Variants in CADM1 observed in about 807,000 individuals in gnomAD.
CADM1 encodes cell adhesion molecule 1.
A neutral mutation model predicts 53.1 loss-of-function variants in CADM1; 15 were observed. The observed-to-expected ratio is 0.28, with a 90% CI of 0.19 to 0.44. The LOEUF (loss-of-function observed/expected upper bound fraction) is 0.44, where lower values mean the gene tolerates loss of function less well. CADM1 is among the 20% of genes least tolerant of loss of function. The pLI, the probability that CADM1 is intolerant of heterozygous loss-of-function variation, is 1.00. For synonymous variants in CADM1, 281 were observed against 243.0 expected, an observed-to-expected ratio of 1.16 and a Z score of -1.45; for missense variants, 434 against 611.3, an observed-to-expected ratio of 0.71 and a Z score of 3.06.
intron 1 of CADM1, among the ~76,000 whole-genome samples, chr11:115,367,167 T>C (rs1005920144): frequency 2.0e-5 from 3 of 152,234 alleles, no homozygotes; most frequent in Non-Finnish European, 4.4e-5. Context: ...TGAGCTATGA[T>C]TGCGCCTGTG....
intron 1 of CADM1, among the ~76,000 whole-genome samples, chr11:115,241,466 A>G (rs1330599512): frequency 6.6e-6 from 1 of 152,214 alleles, no homozygotes; most frequent in Non-Finnish European, 1.5e-5. Flanking sequence ...TCAATTGGGA[A>G]GGGGAGAGAG....
At chr11:115,225,533 C>A (rs1941573866) in intron 5 of CADM1, among the ~76,000 whole-genome samples, 1 of 152,118 alleles carries the variant, frequency 6.6e-6, no homozygotes, top group Non-Finnish European at 1.5e-5. Context: ...TAATTGGGCA[C>A]AACAATTTCT....
intron 1 of CADM1, among the ~76,000 whole-genome samples, chr11:115,385,182 C>CAA (rs34684645): frequency 2.3e-4 from 21 of 90,932 alleles, no homozygotes; most frequent in South Asian, 7.7e-4. Context: ...ATGTGCTTTC[C>CAA]AAAAAAAAAA....
chr11:115,350,874 T>C (rs1170402249), intron 1 of CADM1, among the ~76,000 whole-genome samples: 1 of 150,682 alleles, frequency 6.6e-6, no homozygotes, highest in Non-Finnish European at 1.5e-5. Context: ...ATCGCTATCA[T>C]GGATTAGCTT....
At chr11:115,318,222 T>C (rs1483710833) in intron 1 of CADM1, among the ~76,000 whole-genome samples, 1 of 152,172 alleles carries the variant, frequency 6.6e-6, no homozygotes, top group Non-Finnish European at 1.5e-5. Context: ...CATCCATTCC[T>C]TTTACTTAAA....
chr11:115,307,570 A>G (rs895431104), intron 1 of CADM1, among the ~76,000 whole-genome samples: 4 of 151,406 alleles, frequency 2.6e-5, no homozygotes, highest in Non-Finnish European at 4.4e-5. Flanking sequence ...GCTAATGCCA[A>G]GGTTGACAGT....
At chr11:115,467,665 G>A (rs1948924234) in intron 1 of CADM1, among the ~76,000 whole-genome samples, 2 of 152,130 alleles carry the variant, frequency 1.3e-5, no homozygotes, top group African/African-American at 2.4e-5. Flanking sequence ...GCCGTAACAG[G>A]GACCACTTAG....
chr11:115,479,963 A>G (rs1277214973), intron 1 of CADM1, among the ~76,000 whole-genome samples: 1 of 152,360 alleles, frequency 6.6e-6, no homozygotes, highest in East Asian at 1.9e-4. Context: ...TTGCTGTGGC[A>G]TCATCACCTA....
chr11:115,315,491 G>A (rs1420385039), intron 1 of CADM1, among the ~76,000 whole-genome samples: 1 of 152,048 alleles, frequency 6.6e-6, no homozygotes, highest in African/African-American at 2.4e-5. Flanking sequence ...TTTTACTTGG[G>A]AATCTCAACT....
chr11:115,472,823 TA>T (rs1362701375), intron 1 of CADM1, among the ~76,000 whole-genome samples: 1 of 152,182 alleles, frequency 6.6e-6, no homozygotes, highest in Non-Finnish European at 1.5e-5. Context: ...AAGAATATTA[TA>T]CCTTGTTAAA....
Position 115,414,103 on chromosome 11 carries a change from A to G in CADM1, c.124+90168T>C, listed in dbSNP as rs190106110. On this transcript the variant is annotated intron_variant, in intron 1 of 11. Transcript: ENST00000331581. Reference sequence around the variant, plus strand: ...GCATACAATTGTTAATCTGTTAACTAAGGCAAATGCTGCCTTAAAATGAAG... The same window carrying G: ...GCATACAATTGTTAATCTGTTAACTGAGGCAAATGCTGCCTTAAAATGAAG... 2.0e-3 allele frequency among the ~76,000 whole-genome samples: 300 copies of G among 152,308 alleles called. 1 individual carries two copies. Among genetic ancestry groups the G allele is most frequent in the African/African-American group, 5.8e-3 (243 of 41,570 alleles).
At chr11:115,443,746 C>G (rs1179136944) in intron 1 of CADM1, among the ~76,000 whole-genome samples, 1 of 152,186 alleles carries the variant, frequency 6.6e-6, no homozygotes, top group Non-Finnish European at 1.5e-5. Context: ...AAGCAGTCTG[C>G]TAAATTTGTG....
At chr11:115,202,200 T>A (rs200490543) in intron 8 of CADM1, among the ~76,000 whole-genome samples, 57 of 125,368 alleles carry the variant, frequency 4.5e-4, no homozygotes, top group African/African-American at 1.3e-3. Context: ...AAAAAAAAAA[T>A]AATACTGCAG....
intron 1 of CADM1, among the ~76,000 whole-genome samples, chr11:115,297,066 T>A (rs1040026570): frequency 1.3e-5 from 2 of 152,272 alleles, no homozygotes; most frequent in African/African-American, 2.4e-5. Context: ...CAAGTATTCC[T>A]ATAGTACATT....
At chr11:115,327,313 C>A (rs907916308) in intron 1 of CADM1, among the ~76,000 whole-genome samples, 2 of 152,108 alleles carry the variant, frequency 1.3e-5, no homozygotes, top group Non-Finnish European at 2.9e-5. Context: ...TATACACTAC[C>A]ATGCAGCCAA....
chr11:115,209,177 T>A (rs1940832862), intron 8 of CADM1, among the ~76,000 whole-genome samples: 1 of 152,198 alleles, frequency 6.6e-6, no homozygotes, highest in African/African-American at 2.4e-5. Flanking sequence ...GGTGTGTATA[T>A]TTTCCCTTAC....
chr11:115,370,333 A>G (rs1294283856), intron 1 of CADM1, among the ~76,000 whole-genome samples: 1 of 152,316 alleles, frequency 6.6e-6, no homozygotes. Flanking sequence ...GGCTGCTGAT[A>G]TACACCAAAT....
chr11:115,484,440 C>A (rs1351408106), intron 1 of CADM1, among the ~76,000 whole-genome samples: 1 of 152,220 alleles, frequency 6.6e-6, no homozygotes, highest in East Asian at 1.9e-4. Context: ...TATCCTCCCT[C>A]CATGCTTAAG....
At chr11:115,404,145 G>C (rs890603427) in intron 1 of CADM1, among the ~76,000 whole-genome samples, 2 of 147,162 alleles carry the variant, frequency 1.4e-5, no homozygotes, top group Non-Finnish European at 3.0e-5. Context: ...GGCCAACATG[G>C]TAAAACCCTG....
Sources: gnomAD v4.1 joint callset for allele counts (sites outside exome capture counted in the v4.1 genomes callset) on GRCh38, gnomAD v4.1.1 for gene constraint, MANE v1.5 for transcripts, NCBI Gene and HGNC (gene_info 2026-07-23, HGNC 2026-07-21) for gene names.